Variants in ERN1 observed in about 807,000 individuals in gnomAD.
The protein encoded by ERN1 is endoplasmic reticulum to nucleus signaling 1.
A neutral mutation model predicts 113.1 loss-of-function variants in ERN1; 39 were observed. The ratio of observed to expected loss-of-function variants is 0.34; its 90% CI spans 0.27 to 0.45. ERN1 has a LOEUF of 0.45. Ranked by LOEUF, ERN1 falls within the 20% of genes least tolerant of loss-of-function variation. The pLI is 1.00. For missense variants in ERN1, 976 were observed against 1,274.8 expected (o/e 0.77, Z 3.57); for synonymous variants, 507 against 515.9 (o/e 0.98, Z 0.23).
At chr17:64,077,717 C>A (rs1913638652) in intron 4 of ERN1, among the ~76,000 whole-genome samples, 1 of 151,718 alleles carries the variant, frequency 6.6e-6, no homozygotes, top group South Asian at 2.1e-4. Flanking sequence ...CATTTGGGCA[C>A]ATGTCCATTG....
rs1389524589 is a variant in ERN1 at position 64,102,826 on chromosome 17, C to T, written c.55-4585G>A. The T allele has an allele frequency of 2.6e-5, 26 of 984,932 alleles. No individual in the cohort carries two copies. The East Asian group carries it at 3.4e-4, about 13-fold the overall frequency. The allele number at this position is 984,932 out of a possible 1,614,324, so 61.0% of individuals were successfully genotyped here. On this transcript the variant is annotated intron_variant, in intron 1 of 21. Transcript: ENST00000433197. ...GAGCCTGAAAATGGAAAGAAAATGTCGAGTCTGCAGATCTGTTTCAAGTTA... is the reference window on the plus strand; with the variant it reads ...GAGCCTGAAAATGGAAAGAAAATGTTGAGTCTGCAGATCTGTTTCAAGTTA...
intron 10 of ERN1, among the ~76,000 whole-genome samples, chr17:64,061,764 CG>C (rs1280857202): frequency 6.6e-6 from 1 of 152,186 alleles, no homozygotes; most frequent in African/African-American, 2.4e-5. Context: ...TGAGTATGTG[CG>C]GGTAACTCTG....
intron 1 of ERN1, among the ~76,000 whole-genome samples, chr17:64,114,546 C>G (rs551614021): frequency 6.6e-6 from 1 of 152,214 alleles, no homozygotes; most frequent in South Asian, 2.1e-4. Flanking sequence ...TGTAGCTGGA[C>G]AGAGAAGGCA....
At chr17:64,067,980 A>G (rs1415789960) in intron 7 of ERN1, 2 of 511,698 alleles carry the variant, frequency 3.9e-6, no homozygotes, top group East Asian at 3.1e-5. Flanking sequence ...GCTTGTCACC[A>G]TTTTACTTCG....
intron 1 of ERN1, among the ~76,000 whole-genome samples, chr17:64,125,571 C>T (rs951226756): frequency 1.3e-5 from 2 of 152,182 alleles, no homozygotes; most frequent in Non-Finnish European, 2.9e-5. Context: ...TCACTGCAAC[C>T]TCTACCTCCC....
intron 9 of ERN1, among the ~76,000 whole-genome samples, chr17:64,064,446 G>A (rs1196393395): frequency 6.6e-6 from 1 of 152,228 alleles, no homozygotes; most frequent in Non-Finnish European, 1.5e-5. Flanking sequence ...ATAAGTGAAG[G>A]AGAATGAATG....
chr17:64,051,987 G>C (rs1912698713), intron 17 of ERN1, among the ~76,000 whole-genome samples: 1 of 152,174 alleles, frequency 6.6e-6, no homozygotes, highest in Non-Finnish European at 1.5e-5. Flanking sequence ...TATTCAAATG[G>C]TTCAGTAATA....
At chr17:64,053,042 G>A in intron 16 of ERN1, 63 bp from the exon 17 acceptor site, 1 of 927,556 alleles carries the variant, frequency 1.1e-6, no homozygotes, top group Non-Finnish European at 1.7e-6. Context: ...TCCTCCAATG[G>A]GGAATGTGTC....
At chr17:64,066,597 G>A (rs1462727483) in intron 8 of ERN1, 74 bp downstream of exon 8, 8 of 1,560,828 alleles carry the variant, frequency 5.1e-6, no homozygotes, top group African/African-American at 4.1e-5. Context: ...TCCCGTGCAG[G>A]GCCTGCTACA....
intron 2 of ERN1, among the ~76,000 whole-genome samples, chr17:64,084,425 G>A (rs1363874789): frequency 6.6e-6 from 1 of 151,930 alleles, no homozygotes; most frequent in Non-Finnish European, 1.5e-5. Flanking sequence ...GTGGACTTTG[G>A]AATCAGACAA....
chr17:64,057,950 G>A lies in ERN1; in HGVS notation c.1250C>T (p.Thr417Ile). ...CTTCTCCTCCACATCCCGAGACACG[G>A]TGGTAGGTGCGTTTTCTGAAGTCTG... Reference protein sequence around the residue: ...VDQTSENAPTTVSRDVEEKPA... With the variant: ...VDQTSENAPTIVSRDVEEKPA... The change falls in exon 12 of 22, where the codon ACC becomes ATC. Residue 417 changes from threonine (T) to isoleucine (I), a missense_variant. Physicochemically the swap from Thr to Ile is moderately conservative, Grantham distance 89 (BLOSUM62 -1). Coordinates refer to ENST00000433197, the MANE Select transcript of ERN1 (RefSeq NM_001433.5). 6.2e-7 allele frequency: 1 copy of A among 1,602,664 alleles called. No homozygotes were observed. Among genetic ancestry groups the A allele is most frequent in the Non-Finnish European group, 8.5e-7 (1 of 1,174,696 alleles).
intron 1 of ERN1, chr17:64,098,619 G>A (rs776958195): frequency 1.6e-4 from 85 of 528,926 alleles, no homozygotes; most frequent in Admixed American, 9.3e-4. Flanking sequence ...AAAAAAGAAT[G>A]CCAATACCCA....
chr17:64,089,173 G>T (rs1300303560), intron 2 of ERN1, among the ~76,000 whole-genome samples: 1 of 151,940 alleles, frequency 6.6e-6, no homozygotes, highest in African/African-American at 2.4e-5. Context: ...CAAAAAATTA[G>T]CCGGGCATGG....
chr17:64,086,588 C>T (rs551693417), intron 2 of ERN1, among the ~76,000 whole-genome samples: 23 of 146,398 alleles, frequency 1.6e-4, no homozygotes, highest in African/African-American at 5.5e-4. Context: ...CATTTGTGTA[C>T]GAGTGTTTAT....
At chr17:64,125,847 A>C (rs753743341) in intron 1 of ERN1, among the ~76,000 whole-genome samples, 15 of 152,170 alleles carry the variant, frequency 9.9e-5, no homozygotes, top group Non-Finnish European at 2.1e-4. Context: ...CTAAAGTGAC[A>C]AATGTGATGG....
At chr17:64,058,752 C>T (rs561799802) in intron 11 of ERN1, among the ~76,000 whole-genome samples, 1 of 152,240 alleles carries the variant, frequency 6.6e-6, no homozygotes, top group East Asian at 1.9e-4. Context: ...CTGGCACATG[C>T]TGAATTTCCC....
intron 1 of ERN1, among the ~76,000 whole-genome samples, chr17:64,106,536 G>A (rs1327783372): frequency 2.6e-5 from 4 of 152,192 alleles, no homozygotes; most frequent in African/African-American, 4.8e-5. Context: ...GATGTGGTGA[G>A]GGGTGCTGTC....
chr17:64,073,229 A>T (rs1598060261), intron 5 of ERN1, among the ~76,000 whole-genome samples: 1 of 138,814 alleles, frequency 7.2e-6, no homozygotes, highest in East Asian at 2.2e-4. Context: ...AGTGCAGTGG[A>T]GTGATCTCGG....
chr17:64,129,527 C>T (rs1915174820), intron 1 of ERN1: 1 of 330,226 alleles, frequency 3.0e-6, no homozygotes, highest in Non-Finnish European at 5.5e-6. Context: ...CAGGACAGAC[C>T]CTTCCCCTGG....
Sources: allele counts gnomAD v4.1 joint callset (sites outside exome capture counted in the v4.1 genomes callset), GRCh38; gene constraint gnomAD v4.1.1; transcripts MANE v1.5; gene names NCBI Gene and HGNC (gene_info 2026-07-23, HGNC 2026-07-21).